Variants in BMPER observed in about 807,000 individuals in gnomAD.
BMPER encodes the protein BMP-binding endothelial regulator protein.
Under a neutral mutation model 87.3 loss-of-function variants are expected in BMPER, and 45 were observed. The observed-to-expected ratio is 0.52, with a 90% CI of 0.41 to 0.66. BMPER has a LOEUF of 0.66. Among genes scored for constraint, BMPER ranks in the 30% least tolerant of loss-of-function variants. The pLI, the probability that BMPER is intolerant of heterozygous loss-of-function variation, is 0.00. For synonymous variants in BMPER, 326 were observed against 316.2 expected (o/e 1.03, Z -0.33); for missense variants, 784 against 867.5 (o/e 0.90, Z 1.21).
At chr7:34,031,727 C>G (rs1486891281) in intron 6 of BMPER, among the ~76,000 whole-genome samples, 1 of 151,534 alleles carries the variant, frequency 6.6e-6, no homozygotes, top group Non-Finnish European at 1.5e-5. Context: ...GTGCTGGGCA[C>G]TTTAAGCACA....
At chr7:33,953,476 C>G (rs1785076274) in intron 3 of BMPER, among the ~76,000 whole-genome samples, 3 of 152,130 alleles carry the variant, frequency 2.0e-5, no homozygotes, top group Admixed American at 1.3e-4. Flanking sequence ...CCCTCTGTAT[C>G]ATGCAGGGGC....
intron 6 of BMPER, among the ~76,000 whole-genome samples, chr7:33,978,842 T>C (rs1259049674): frequency 1.3e-5 from 2 of 152,188 alleles, no homozygotes; most frequent in African/African-American, 4.8e-5. Context: ...CAAAGCCTAT[T>C]TTATAATAAA....
rs562032047 is a variant in BMPER, at chr7:34,018,279, T to C, written c.577-28027T>C. ...GAACATAAGGAAACATTTTCTCTCT[T>C]AGCAACCACATGGAAACCTGCTTCC... On this transcript the variant is annotated intron_variant, in intron 6 of 14. Coordinates refer to ENST00000649409, the MANE Select transcript of BMPER (RefSeq NM_001365308.1). Among the ~76,000 whole-genome samples, 10 of 152,012 alleles carry C rather than the reference T, an allele frequency of 6.6e-5. No individual in the cohort carries two copies. In the East Asian group the frequency reaches 1.8e-3, roughly 27 times the overall value.
intron 6 of BMPER, among the ~76,000 whole-genome samples, chr7:34,024,389 AT>A (rs2127947679): frequency 5.9e-4 from 6 of 10,254 alleles, no homozygotes; most frequent in Non-Finnish European, 9.1e-4. Flanking sequence ...AAAACAATAT[AT>A]ATATATATAT....
At chr7:34,093,389 A>G (rs1186885306) in intron 13 of BMPER, among the ~76,000 whole-genome samples, 1 of 152,324 alleles carries the variant, frequency 6.6e-6, no homozygotes, top group Non-Finnish European at 1.5e-5. Flanking sequence ...GTAATGTGCT[A>G]ATGCTTTTGG....
At chr7:34,135,883 G>A (rs1042907269) in intron 13 of BMPER, among the ~76,000 whole-genome samples, 9 of 152,000 alleles carry the variant, frequency 5.9e-5, no homozygotes, top group African/African-American at 1.9e-4. Flanking sequence ...GGGGATGAGG[G>A]GAGAATTTGG....
intron 6 of BMPER, among the ~76,000 whole-genome samples, chr7:34,024,385 ATATATATATATATATAT>A (rs1562695232): frequency 0.013 from 50 of 3,740 alleles, 2 homozygotes; most frequent in African/African-American, 0.026. Context: ...AAAAAAAACA[ATATATATATATATATAT>A]ATATATATAT....
At chr7:34,034,640 A>G (rs1787615155) in intron 6 of BMPER, among the ~76,000 whole-genome samples, 1 of 152,208 alleles carries the variant, frequency 6.6e-6, no homozygotes, top group Admixed American at 6.5e-5. Flanking sequence ...GTTCTACTCA[A>G]TTATAGGACA....
At chr7:34,037,885 A>G (rs547090860) in intron 6 of BMPER, among the ~76,000 whole-genome samples, 43 of 152,350 alleles carry the variant, frequency 2.8e-4, no homozygotes, top group African/African-American at 9.6e-4. Flanking sequence ...ATCGCAAGCC[A>G]TAAGACCAGG....
chr7:34,089,720 G>A (rs1201479387), intron 13 of BMPER, among the ~76,000 whole-genome samples: 1 of 152,072 alleles, frequency 6.6e-6, no homozygotes, highest in Non-Finnish European at 1.5e-5. Flanking sequence ...CTGACCTCAG[G>A]TGATCTGCCT....
chr7:33,945,785 A>T (rs1464321023), intron 3 of BMPER, among the ~76,000 whole-genome samples: 3 of 152,166 alleles, frequency 2.0e-5, no homozygotes, highest in African/African-American at 7.2e-5. Flanking sequence ...AAGTCTTCAC[A>T]ACAGTGAGGT....
At chr7:34,120,925 A>G (rs1017183131) in intron 13 of BMPER, among the ~76,000 whole-genome samples, 1 of 152,072 alleles carries the variant, frequency 6.6e-6, no homozygotes, top group Non-Finnish European at 1.5e-5. Context: ...ATCAAGGAAT[A>G]TCACGTATAA....
intron 13 of BMPER, among the ~76,000 whole-genome samples, chr7:34,105,173 C>T (rs1314300229): frequency 6.6e-6 from 1 of 152,184 alleles, no homozygotes; most frequent in Non-Finnish European, 1.5e-5. Context: ...TTGCTGCTAA[C>T]TGTCCTTTGT....
chr7:33,968,223 A>G (rs1205435867), intron 4 of BMPER, among the ~76,000 whole-genome samples: 2 of 152,180 alleles, frequency 1.3e-5, no homozygotes, highest in East Asian at 1.9e-4. Context: ...CCTCCTTTCT[A>G]AAACCTTGCC....
intron 6 of BMPER, among the ~76,000 whole-genome samples, chr7:33,998,802 C>T (rs17169617): frequency 0.23 from 34,398 of 152,118 alleles, 4,132 homozygotes; most frequent in Admixed American, 0.32. Context: ...CAGAGTCTGG[C>T]GCAGTGGCCG....
intron 4 of BMPER, among the ~76,000 whole-genome samples, chr7:33,967,047 A>G (rs535610206): frequency 1.2e-4 from 18 of 152,342 alleles, no homozygotes; most frequent in African/African-American, 4.3e-4. Flanking sequence ...AAAACCACCA[A>G]TTCAGCAACT....
intron 6 of BMPER, among the ~76,000 whole-genome samples, chr7:33,994,093 C>A (rs1429384555): frequency 2.8e-5 from 4 of 141,548 alleles, no homozygotes; most frequent in African/African-American, 7.8e-5. Context: ...GCCCTGCCCC[C>A]AGAGGTGGAG....
intron 2 of BMPER, among the ~76,000 whole-genome samples, chr7:33,924,963 A>C (rs1242980370): frequency 6.6e-6 from 1 of 152,136 alleles, no homozygotes; most frequent in African/African-American, 2.4e-5. Flanking sequence ...CACCCGGCCT[A>C]AAGGATCTTT....
chr7:33,939,971 A>G, intron 3 of BMPER: 1 of 313,952 alleles, frequency 3.2e-6, no homozygotes, highest in Non-Finnish European at 7.4e-6. Context: ...CAAGGGTTTT[A>G]AGGGACACAG....
Sources: allele counts gnomAD v4.1 joint callset (sites outside exome capture counted in the v4.1 genomes callset), GRCh38; gene constraint gnomAD v4.1.1; transcripts MANE v1.5; gene names NCBI Gene and HGNC (gene_info 2026-07-23, HGNC 2026-07-21).